Variants in CBFA2T2 observed in about 807,000 individuals in gnomAD.
CBFA2T2 encodes the protein protein CBFA2T2.
Under a neutral mutation model 62.2 loss-of-function variants are expected in CBFA2T2, and 11 were observed. That is an observed-to-expected ratio of 0.18 (90% CI 0.11 to 0.29). CBFA2T2 has a LOEUF of 0.29. CBFA2T2 is among the 10% of genes least tolerant of loss of function. The pLI, the probability that CBFA2T2 is intolerant of heterozygous loss-of-function variation, is 1.00. For missense variants in CBFA2T2, 592 were observed against 774.1 expected (o/e 0.76, Z 2.79); for synonymous variants, 295 against 287.5 (o/e 1.03, Z -0.27).
intron 1 of CBFA2T2, among the ~76,000 whole-genome samples, chr20:33,578,626 T>C (rs145775456): frequency 1.2e-3 from 185 of 152,300 alleles, no homozygotes; most frequent in South Asian, 2.3e-3. Flanking sequence ...TGGCAGTGTA[T>C]TTCCAGATGT....
chr20:33,551,089 T>C (rs897226435), intron 1 of CBFA2T2, among the ~76,000 whole-genome samples: 1 of 152,170 alleles, frequency 6.6e-6, no homozygotes, highest in Non-Finnish European at 1.5e-5. Context: ...GAAGTGTTCA[T>C]AGTGAAAGAA....
At chr20:33,507,641 A>T (rs1488811700) in intron 1 of CBFA2T2, among the ~76,000 whole-genome samples, 1 of 152,164 alleles carries the variant, frequency 6.6e-6, no homozygotes, top group Non-Finnish European at 1.5e-5. Context: ...TGTAGGCCAT[A>T]TAATGTCGGT....
At chr20:33,572,117 T>C (rs2013597575) in intron 1 of CBFA2T2, among the ~76,000 whole-genome samples, 2 of 152,218 alleles carry the variant, frequency 1.3e-5, no homozygotes, top group South Asian at 4.1e-4. Context: ...GGTCTTGAAC[T>C]CCTGACTTCA....
chr20:33,592,062 A>C (rs2014669905), intron 1 of CBFA2T2, among the ~76,000 whole-genome samples: 1 of 152,136 alleles, frequency 6.6e-6, no homozygotes, highest in East Asian at 1.9e-4. Flanking sequence ...TAGTTGATGA[A>C]CATGAAAAAA....
intron 8 of CBFA2T2, among the ~76,000 whole-genome samples, chr20:33,632,650 A>G (rs2122363846): frequency 6.7e-6 from 1 of 150,078 alleles, no homozygotes; most frequent in South Asian, 2.1e-4. Context: ...TTTTTTTTTC[A>G]GTAGAGACGG....
chr20:33,638,703 G>A (rs2016716971), intron 9 of CBFA2T2: 1 of 152,198 alleles, frequency 6.6e-6, no homozygotes, highest in African/African-American at 2.4e-5. Flanking sequence ...TAGGCTTCTG[G>A]ATTGTCTAGT....
At chr20:33,588,359 A>AAT (rs558811020) in intron 1 of CBFA2T2, among the ~76,000 whole-genome samples, 2,491 of 150,800 alleles carry the variant, frequency 0.017, 62 homozygotes, top group African/African-American at 0.057. Flanking sequence ...CAAATGAAGA[A>AAT]ATATATATAT....
At chr20:33,568,758 C>T (rs987948837) in intron 1 of CBFA2T2, among the ~76,000 whole-genome samples, 2 of 152,294 alleles carry the variant, frequency 1.3e-5, no homozygotes, top group Non-Finnish European at 2.9e-5. Context: ...GCCACCCTTG[C>T]GCTTGATTAC....
chr20:33,545,846 G>A (rs1056081850), intron 1 of CBFA2T2, among the ~76,000 whole-genome samples: 2 of 152,190 alleles, frequency 1.3e-5, no homozygotes, highest in Non-Finnish European at 2.9e-5. Context: ...GAAGACTTTT[G>A]AACAAATATC....
At chr20:33,577,439 G>T (rs2013881486) in intron 1 of CBFA2T2, among the ~76,000 whole-genome samples, 1 of 152,094 alleles carries the variant, frequency 6.6e-6, no homozygotes, top group Non-Finnish European at 1.5e-5. Flanking sequence ...TTTGTCAGAA[G>T]CCTCTCTGAT....
At chr20:33,512,163 C>T (rs893803150) in intron 1 of CBFA2T2, among the ~76,000 whole-genome samples, 5 of 152,004 alleles carry the variant, frequency 3.3e-5, no homozygotes, top group African/African-American at 7.2e-5. Flanking sequence ...AGCGACAGAG[C>T]GAGACTCTGT....
chr20:33,525,720 C>A (rs1272988470), intron 1 of CBFA2T2, among the ~76,000 whole-genome samples: 1 of 152,156 alleles, frequency 6.6e-6, no homozygotes, highest in African/African-American at 2.4e-5. Context: ...GGTACAGTCA[C>A]AGCTCATCGC....
At chr20:33,599,145 C>T (rs896700655) in intron 1 of CBFA2T2, among the ~76,000 whole-genome samples, 1 of 152,146 alleles carries the variant, frequency 6.6e-6, no homozygotes, top group African/African-American at 2.4e-5. Flanking sequence ...GCCTGTAGTC[C>T]CAGCTACTTG....
intron 6 of CBFA2T2, among the ~76,000 whole-genome samples, chr20:33,625,288 C>G (rs1445309822): frequency 6.6e-6 from 1 of 152,076 alleles, no homozygotes. Context: ...TCACTTGAAG[C>G]CAGTCTGGGC....
chr20:33,593,306 T>G (rs1380668188), intron 1 of CBFA2T2, among the ~76,000 whole-genome samples: 2 of 151,258 alleles, frequency 1.3e-5, no homozygotes, highest in Admixed American at 6.6e-5. Context: ...CACCCCAACC[T>G]GGGCGACAGT....
chr20:33,521,060 A>G (rs2011717880), intron 1 of CBFA2T2, among the ~76,000 whole-genome samples: 2 of 150,480 alleles, frequency 1.3e-5, no homozygotes, highest in South Asian at 4.3e-4. Context: ...TAATGGGGGG[A>G]CATTTCTCGG....
At chr20:33,606,109 G>A (rs1393343436) in intron 1 of CBFA2T2, among the ~76,000 whole-genome samples, 1 of 152,124 alleles carries the variant, frequency 6.6e-6, no homozygotes, top group African/African-American at 2.4e-5. Flanking sequence ...ATGAGCCACC[G>A]TGCCCAGCCT....
chr20:33,572,866 A>G (rs1448834971), intron 1 of CBFA2T2, among the ~76,000 whole-genome samples: 2 of 152,228 alleles, frequency 1.3e-5, no homozygotes, highest in Non-Finnish European at 2.9e-5. Context: ...TCTTCCTGTC[A>G]TATAGAGAAA....
At chr20:33,607,687 C>T (rs2015388467) in intron 2 of CBFA2T2, among the ~76,000 whole-genome samples, 1 of 152,110 alleles carries the variant, frequency 6.6e-6, no homozygotes, top group Non-Finnish European at 1.5e-5. Flanking sequence ...TTTTGCGTCC[C>T]TGGTGTCTCT....
Sources: gnomAD v4.1 joint callset for allele counts (sites outside exome capture counted in the v4.1 genomes callset) on GRCh38, gnomAD v4.1.1 for gene constraint, MANE v1.5 for transcripts, NCBI Gene and HGNC (gene_info 2026-07-23, HGNC 2026-07-21) for gene names.